The following EHMT1 variants were observed in gnomAD, a reference collection of about 807,000 sequenced individuals.
EHMT1 encodes histone-lysine N-methyltransferase EHMT1.
A neutral mutation model predicts 147.2 loss-of-function variants in EHMT1; 15 were observed. The observed-to-expected ratio is 0.10, with a 90% CI of 0.07 to 0.16. The LOEUF is 0.16. Ranked by LOEUF, EHMT1 falls within the 10% of genes least tolerant of loss-of-function variation. The pLI, the probability that EHMT1 is intolerant of heterozygous loss-of-function variation, is 1.00. For missense variants in EHMT1, 1,587 were observed against 1,772.4 expected (o/e 0.90, Z 1.88); for synonymous variants, 795 against 709.6 (o/e 1.12, Z -1.91).
At chr9:137,710,078 C>G (rs1944566596) in intron 1 of EHMT1, among the ~76,000 whole-genome samples, 1 of 151,980 alleles carries the variant, frequency 6.6e-6, no homozygotes, top group South Asian at 2.1e-4. Flanking sequence ...TCGGGAGAGG[C>G]CTGGCTAGGA....
intron 10 of EHMT1, among the ~76,000 whole-genome samples, chr9:137,773,456 G>A (rs536659963): frequency 1.3e-5 from 2 of 151,252 alleles, no homozygotes; most frequent in East Asian, 3.9e-4. Flanking sequence ...CCTCATTTGG[G>A]CATCGAGAAG....
intron 17 of EHMT1, chr9:137,800,620 G>A (rs1015305054): frequency 4.5e-5 from 24 of 537,176 alleles, no homozygotes; most frequent in African/African-American, 2.5e-4. Flanking sequence ...GGGCAAGGCC[G>A]ACAGCACAGG....
At chr9:137,803,863 A>G (rs999165201) in intron 18 of EHMT1, among the ~76,000 whole-genome samples, 1 of 151,828 alleles carries the variant, frequency 6.6e-6, no homozygotes, top group African/African-American at 2.4e-5. Context: ...AACCTGCCAA[A>G]CTGCTTTCCA....
Position 137,715,624 on chromosome 9 carries a change from G to T in EHMT1, c.86-1002G>T, listed in dbSNP as rs1012825020. Reference sequence around the variant, plus strand: ...CATCGCAGGCTTCCTGCCTCAGCCTGTCCTGAGCTGAGTGTGTGTGTCAAT... The same window carrying T: ...CATCGCAGGCTTCCTGCCTCAGCCTTTCCTGAGCTGAGTGTGTGTGTCAAT... On this transcript the variant is annotated intron_variant, in intron 2 of 26. Coordinates refer to ENST00000460843, the MANE Select transcript of EHMT1 (RefSeq NM_024757.5). 4 of 985,322 alleles carry T rather than the reference G, an allele frequency of 4.1e-6. No individual in the cohort carries two copies. In the East Asian group the frequency reaches 4.5e-4, roughly 112 times the overall value. 61.0% of individuals were successfully genotyped at this position (985,322 alleles called of 1,614,324 possible).
chr9:137,713,314 G>A (rs1398032986), intron 2 of EHMT1, among the ~76,000 whole-genome samples: 1 of 146,256 alleles, frequency 6.8e-6, no homozygotes, highest in Non-Finnish European at 1.5e-5. Flanking sequence ...CTGTCACCCG[G>A]GCTGGAGTGC....
In EHMT1 at chr9:137,759,773, C is replaced by T. The variant is rs557542766; in HGVS notation, c.1501+1762C>T. On this transcript the variant is annotated intron_variant, in intron 9 of 26. Transcript: ENST00000460843. Reference sequence around the variant, plus strand: ...CACTGTGCTGGTGCTGGCCGTGTGGCCCGGGACCCCAGAGGGAGGCAGTGG... The same window carrying T: ...CACTGTGCTGGTGCTGGCCGTGTGGTCCGGGACCCCAGAGGGAGGCAGTGG... 4.6e-5 allele frequency among the ~76,000 whole-genome samples: 7 copies of T among 152,324 alleles called. No individual in the cohort carries two copies. In the East Asian group the frequency reaches 1.4e-3, roughly 29 times the overall value.
In EHMT1 at chr9:137,708,900, G is replaced by A. The variant is rs535196366; in HGVS notation, c.22-2067G>A. Among the ~76,000 whole-genome samples, 3 of 152,334 alleles carry A rather than the reference G, an allele frequency of 2.0e-5. No individual in the cohort carries two copies. The South Asian group carries it at 6.2e-4, about 32-fold the overall frequency. On this transcript the variant is annotated intron_variant, in intron 1 of 26. Coordinates refer to ENST00000460843, the MANE Select transcript of EHMT1 (RefSeq NM_024757.5). ...GCTCTGTGAGTGAGGAAAGCTTCGG[G>A]TTCCACGCAGCCACTGTGCCTGGCC...
intron 1 of EHMT1, among the ~76,000 whole-genome samples, chr9:137,699,554 A>G (rs919378519): frequency 6.6e-6 from 1 of 152,146 alleles, no homozygotes; most frequent in African/African-American, 2.4e-5. Flanking sequence ...ATGCGCCTAT[A>G]ATCCCAGCTA....
chr9:137,633,700 C>T (rs1395385511), intron 1 of EHMT1, among the ~76,000 whole-genome samples: 1 of 152,036 alleles, frequency 6.6e-6, no homozygotes, highest in Non-Finnish European at 1.5e-5. Context: ...ATTCCGTCAC[C>T]CCAAAAAGAA....
intron 1 of EHMT1, among the ~76,000 whole-genome samples, chr9:137,682,060 C>G (rs1456058210): frequency 6.6e-6 from 1 of 152,052 alleles, no homozygotes; most frequent in Non-Finnish European, 1.5e-5. Flanking sequence ...ACACCATTCT[C>G]CTGCCTCAGC....
chr9:137,695,153 C>T (rs1644437103), intron 1 of EHMT1, among the ~76,000 whole-genome samples: 3 of 152,230 alleles, frequency 2.0e-5, no homozygotes, highest in Non-Finnish European at 4.4e-5. Context: ...TACCGGCCGC[C>T]CGGCCCTGTG....
chr9:137,757,195 T>A (rs1375645944), intron 8 of EHMT1, among the ~76,000 whole-genome samples: 1 of 152,246 alleles, frequency 6.6e-6, no homozygotes, highest in Non-Finnish European at 1.5e-5. Context: ...ACCACTCGTG[T>A]GTCCTTGAGG....
At chr9:137,660,295 C>CA (rs1938943639) in intron 1 of EHMT1, among the ~76,000 whole-genome samples, 1 of 152,022 alleles carries the variant, frequency 6.6e-6, no homozygotes, top group South Asian at 2.1e-4. Flanking sequence ...GAGATTGCAC[C>CA]ACTGCCCTCT....
chr9:137,719,926 C>A (rs1945768164), intron 3 of EHMT1, among the ~76,000 whole-genome samples: 1 of 55,300 alleles, frequency 1.8e-5, no homozygotes, highest in Non-Finnish European at 3.5e-5. Flanking sequence ...AGGTGCCGAA[C>A]CCCCTCCACA....
chr9:137,691,642 A>G (rs1211446537), intron 1 of EHMT1, among the ~76,000 whole-genome samples: 1 of 152,102 alleles, frequency 6.6e-6, no homozygotes, highest in Non-Finnish European at 1.5e-5. Context: ...GCTAGGTCAT[A>G]TGGTAATTCT....
intron 10 of EHMT1, 42 bp downstream of exon 10, chr9:137,762,862 A>G (rs1415133997): frequency 1.2e-5 from 20 of 1,611,794 alleles, no homozygotes; most frequent in African/African-American, 2.7e-5. Flanking sequence ...ACGAGGAGTG[A>G]GTGAGAAAGC....
chr9:137,792,636 C>T (rs1189084116), intron 16 of EHMT1, among the ~76,000 whole-genome samples: 2 of 152,102 alleles, frequency 1.3e-5, no homozygotes, highest in Non-Finnish European at 2.9e-5. Context: ...ACCCGGGAGG[C>T]GGAAGTTGCA....
chr9:137,748,139 A>G (rs1249278387), intron 6 of EHMT1, among the ~76,000 whole-genome samples: 1 of 152,122 alleles, frequency 6.6e-6, no homozygotes, highest in African/African-American at 2.4e-5. Flanking sequence ...AACTGTTATC[A>G]TACTAATGCT....
intron 3 of EHMT1, among the ~76,000 whole-genome samples, chr9:137,717,664 G>A (rs1043633349): frequency 4.6e-5 from 7 of 151,062 alleles, no homozygotes; most frequent in Admixed American, 4.0e-4. Context: ...GTGACAAAGC[G>A]GAGTGATGCC....
Sources: gnomAD v4.1 joint callset for allele counts (sites outside exome capture counted in the v4.1 genomes callset) on GRCh38, gnomAD v4.1.1 for gene constraint, MANE v1.5 for transcripts, NCBI Gene and HGNC (gene_info 2026-07-23, HGNC 2026-07-21) for gene names.